Variants in DYNC1I1 observed in about 807,000 individuals in gnomAD.
The protein encoded by DYNC1I1 is dynein cytoplasmic 1 intermediate chain 1.
A neutral mutation model predicts 86.6 loss-of-function variants in DYNC1I1; 43 were observed. The ratio of observed to expected loss-of-function variants is 0.50; its 90% confidence interval spans 0.39 to 0.64. DYNC1I1 has a LOEUF of 0.64. DYNC1I1 is among the 30% of genes least tolerant of loss of function. The pLI is 0.00. For missense variants in DYNC1I1, 604 were observed against 788.8 expected (o/e 0.77, Z 2.81); for synonymous variants, 262 against 283.7 (o/e 0.92, Z 0.77).
chr7:96,000,020 T>C lies in DYNC1I1; in HGVS notation c.969+3947T>C, dbSNP rs1165190735. ...AGTGTTAGAATCTCCTTAAGGATTT[T>C]TATTTATTTTTTTAAATGAAAAGAA... is the stretch of plus-strand genomic sequence containing the variant. On this transcript the variant is annotated intron_variant, in intron 10 of 16. Coordinates refer to ENST00000447467, the MANE Select transcript of DYNC1I1 (RefSeq NM_001135556.2). Among the ~76,000 whole-genome samples the C allele has an allele frequency of 2.0e-5, 3 of 152,218 alleles. No homozygotes were observed. In the East Asian group the frequency reaches 5.8e-4, roughly 29 times the overall value.
intron 5 of DYNC1I1, among the ~76,000 whole-genome samples, chr7:95,848,374 A>T (rs1314120246): frequency 6.6e-6 from 1 of 151,994 alleles, no homozygotes; most frequent in Admixed American, 6.6e-5. Context: ...TTTGACCAAC[A>T]TCTCCCATCT....
chr7:95,986,289 A>G (rs1584227257), intron 8 of DYNC1I1, among the ~76,000 whole-genome samples: 1 of 152,174 alleles, frequency 6.6e-6, no homozygotes, highest in Non-Finnish European at 1.5e-5. Flanking sequence ...CAAGCAACTT[A>G]GGCAGCTTTT....
chr7:95,954,955 C>T (rs1162489771), intron 6 of DYNC1I1, among the ~76,000 whole-genome samples: 4 of 140,956 alleles, frequency 2.8e-5, no homozygotes, highest in Non-Finnish European at 6.2e-5. Context: ...TGGACAATGA[C>T]TTTTTTTGCC....
intron 10 of DYNC1I1, among the ~76,000 whole-genome samples, chr7:96,014,250 G>A (rs986197028): frequency 3.9e-5 from 6 of 152,280 alleles, no homozygotes; most frequent in Non-Finnish European, 7.4e-5. Flanking sequence ...AAGAAACTAC[G>A]TCCTAAAGGA....
chr7:96,097,676 T>A lies in DYNC1I1; in HGVS notation c.*83T>A. The A allele has an allele frequency of 6.3e-7, 1 of 1,574,988 alleles. No individual in the cohort carries two copies. The highest frequency in any genetic ancestry group is 8.6e-7 in the Non-Finnish European group (1 of 1,158,680). ...GCAGTCAAGTCTCTTGTATTCGGTG[T>A]CCATTCAGTATCAGTATTGCTGTGA... On this transcript the variant is annotated 3_prime_UTR_variant, in exon 17 of 17. Coordinates refer to ENST00000447467, the MANE Select transcript of DYNC1I1 (RefSeq NM_001135556.2).
At chr7:95,909,400 T>C (rs1271360317) in intron 6 of DYNC1I1, among the ~76,000 whole-genome samples, 3 of 152,146 alleles carry the variant, frequency 2.0e-5, no homozygotes, top group Non-Finnish European at 2.9e-5. Context: ...CCATTTTGTA[T>C]CTATTCATTT....
intron 5 of DYNC1I1, among the ~76,000 whole-genome samples, chr7:95,857,627 T>C (rs1789760519): frequency 6.6e-6 from 1 of 152,208 alleles, no homozygotes. Context: ...GCAAGACTCT[T>C]ATCCTGTCCT....
At chr7:95,866,936 A>T (rs1001487998) in intron 5 of DYNC1I1, among the ~76,000 whole-genome samples, 1 of 152,244 alleles carries the variant, frequency 6.6e-6, no homozygotes, top group Non-Finnish European at 1.5e-5. Flanking sequence ...ACATAGCATC[A>T]GTGAAAAACT....
chr7:96,077,239 TTGTGTGTG>T (rs3047672), intron 15 of DYNC1I1, among the ~76,000 whole-genome samples: 224 of 144,536 alleles, frequency 1.5e-3, no homozygotes, highest in African/African-American at 2.8e-3. Context: ...TCCCTAGTAT[TTGTGTGTG>T]TGTGTGTGTG....
At chr7:95,842,719 A>G (rs1291607766) in intron 5 of DYNC1I1, among the ~76,000 whole-genome samples, 2 of 152,182 alleles carry the variant, frequency 1.3e-5, no homozygotes, top group African/African-American at 4.8e-5. Context: ...CATCCGACAT[A>G]CAGAAATCTC....
At chr7:95,804,468 A>G (rs929547860) in intron 1 of DYNC1I1, 2 of 968,308 alleles carry the variant, frequency 2.1e-6, no homozygotes, top group African/African-American at 3.4e-5. Flanking sequence ...ATTCTTGCTT[A>G]GGCCACATAA....
chr7:95,814,123 C>G (rs954665378), intron 4 of DYNC1I1, among the ~76,000 whole-genome samples: 13 of 152,124 alleles, frequency 8.5e-5, no homozygotes, highest in African/African-American at 3.1e-4. Flanking sequence ...CAACTGCACC[C>G]AATTCTTAAA....
intron 6 of DYNC1I1, among the ~76,000 whole-genome samples, chr7:95,971,020 G>A (rs1026030046): frequency 1.3e-5 from 2 of 152,168 alleles, no homozygotes; most frequent in Non-Finnish European, 2.9e-5. Context: ...AAGGGGAATT[G>A]AGGGCAGTGC....
chr7:95,879,443 G>A (rs370099020), intron 6 of DYNC1I1, among the ~76,000 whole-genome samples: 9 of 152,092 alleles, frequency 5.9e-5, no homozygotes, highest in African/African-American at 1.7e-4. Context: ...ATGAAAAAGA[G>A]TCTTATATTT....
At chr7:95,814,101 A>ATG (rs1794896196) in intron 4 of DYNC1I1, among the ~76,000 whole-genome samples, 1 of 152,176 alleles carries the variant, frequency 6.6e-6, no homozygotes, top group Non-Finnish European at 1.5e-5. Context: ...GCAGGAATTT[A>ATG]TGTGAGTATG....
rs145509499 is a variant in DYNC1I1 at position 95,804,538 on chromosome 7, C to A, written c.-9-183C>A. Among the ~76,000 whole-genome samples the A allele has an allele frequency of 4.8e-3, 729 of 152,198 alleles. 6 individuals are homozygous for A. The highest frequency in any genetic ancestry group is 0.017 in the African/African-American group (700 of 41,536). ...TACCTAAAAGGGAAATATTTTATAT[C>A]CTTAGACCAGATCTAACTTAATTTG... On this transcript the variant is annotated intron_variant, in intron 1 of 16. Coordinates refer to ENST00000447467, the MANE Select transcript of DYNC1I1 (RefSeq NM_001135556.2).
At chr7:95,973,532 T>TC (rs138557485) in intron 6 of DYNC1I1, among the ~76,000 whole-genome samples, 2 of 151,894 alleles carry the variant, frequency 1.3e-5, no homozygotes, top group Admixed American at 1.3e-4. Context: ...TTGTTGTGAG[T>TC]GTTTTTTTAG....
At chr7:95,884,917 A>G (rs927223161) in intron 6 of DYNC1I1, among the ~76,000 whole-genome samples, 2 of 152,010 alleles carry the variant, frequency 1.3e-5, no homozygotes, top group Non-Finnish European at 2.9e-5. Flanking sequence ...TGAAGATCAA[A>G]TGTAGTCAAT....
chr7:95,846,896 T>G (rs935015524), intron 5 of DYNC1I1, among the ~76,000 whole-genome samples: 1 of 152,188 alleles, frequency 6.6e-6, no homozygotes, highest in African/African-American at 2.4e-5. Context: ...CTACATTCTC[T>G]TTTTCTATAG....
Sources: allele counts gnomAD v4.1 joint callset (sites outside exome capture counted in the v4.1 genomes callset), GRCh38; gene constraint gnomAD v4.1.1; transcripts MANE v1.5; gene names NCBI Gene and HGNC (gene_info 2026-07-23, HGNC 2026-07-21).